Variants in SESTD1 observed in about 807,000 individuals in gnomAD.
SESTD1 encodes SEC14 and spectrin domain containing 1.
Under a neutral mutation model 101.7 loss-of-function variants are expected in SESTD1, and 43 were observed. That is an observed-to-expected ratio of 0.42 (90% CI 0.33 to 0.55). The LOEUF is 0.55. Ranked by LOEUF, SESTD1 falls within the 20% of genes least tolerant of loss-of-function variation. The pLI is 0.07. For synonymous variants in SESTD1, 283 were observed against 286.8 expected (o/e 0.99, Z 0.13); for missense variants, 647 against 815.1 (o/e 0.79, Z 2.51).
At chr2:179,140,987 A>G (rs2105438408) in intron 9 of SESTD1, among the ~76,000 whole-genome samples, 1 of 152,246 alleles carries the variant, frequency 6.6e-6, no homozygotes, top group Admixed American at 6.5e-5. Flanking sequence ...AGAGTTTCTC[A>G]AAGTTCAGTT....
chr2:179,169,172 A>G (rs2045888127), intron 5 of SESTD1, among the ~76,000 whole-genome samples: 1 of 152,240 alleles, frequency 6.6e-6, no homozygotes, highest in Non-Finnish European at 1.5e-5. Context: ...TAAACTGGAT[A>G]TGAAAGCAAG....
At chr2:179,189,875 C>T (rs1474661736) in intron 2 of SESTD1, among the ~76,000 whole-genome samples, 1 of 151,854 alleles carries the variant, frequency 6.6e-6, no homozygotes, top group Non-Finnish European at 1.5e-5. Flanking sequence ...TGAAAGATAC[C>T]TACAAAGAGA....
At chr2:179,145,790 T>C (rs1183284941) in intron 8 of SESTD1, among the ~76,000 whole-genome samples, 10 of 152,140 alleles carry the variant, frequency 6.6e-5, no homozygotes, top group Admixed American at 6.5e-4. Context: ...CAGTACAAAA[T>C]AGATAAAATA....
chr2:179,245,819 T>C (rs2047221540), intron 1 of SESTD1, among the ~76,000 whole-genome samples: 1 of 152,112 alleles, frequency 6.6e-6, no homozygotes, highest in Middle Eastern at 3.2e-3. Context: ...AGTAAATATA[T>C]TACTCTAAAT....
chr2:179,143,251 A>G (rs145369683), intron 9 of SESTD1, among the ~76,000 whole-genome samples: 1 of 152,284 alleles, frequency 6.6e-6, no homozygotes, highest in East Asian at 1.9e-4. Context: ...AAATTAACCA[A>G]AAAACTAAGT....
In SESTD1 at chr2:179,103,201, G is replaced by A. The variant is rs114441358; in HGVS notation, c.*6698C>T. On this transcript the variant is annotated 3_prime_UTR_variant, in exon 18 of 18. Transcript: ENST00000428443. ...ATAGGAACCCCTTGAGGAGCTGTCT[G>A]GGGCAGACAGGTCTTTGCTTTCCTC... is the stretch of plus-strand genomic sequence containing the variant. The A allele has an allele frequency of 6.6e-6, 1 of 152,076 alleles. No homozygotes were observed. Among genetic ancestry groups the A allele is most frequent in the African/African-American group, 2.4e-5 (1 of 41,386 alleles). 9.4% of individuals were successfully genotyped at this position (152,076 alleles called of 1,614,324 possible).
chr2:179,250,452 T>G (rs987941288), intron 1 of SESTD1, among the ~76,000 whole-genome samples: 4 of 152,210 alleles, frequency 2.6e-5, no homozygotes, highest in Non-Finnish European at 5.9e-5. Context: ...CTGGGTAGTT[T>G]AAACAGCAAA....
At chr2:179,132,222 A>C in intron 10 of SESTD1, 82 bp downstream of exon 10, 1 of 1,424,170 alleles carries the variant, frequency 7.0e-7, no homozygotes, top group Non-Finnish European at 9.2e-7. Context: ...GTTTGCAGCA[A>C]CTTATCACTC....
rs562501716 is a variant in SESTD1 at position 179,206,266 on chromosome 2, C to A, written c.-25-14400G>T. ...CATAACAGGAAAACTAAAGAGTTCA[C>A]AGAGCCTTCAAAAGAAGTGGCTTGC... is the stretch of plus-strand genomic sequence containing the variant. On this transcript the variant is annotated intron_variant, in intron 1 of 17. Coordinates refer to ENST00000428443, the MANE Select transcript of SESTD1 (RefSeq NM_178123.5). Among the ~76,000 whole-genome samples the A allele has an allele frequency of 7.4e-5, 10 of 135,664 alleles. 3 individuals carry two copies. The highest frequency in any genetic ancestry group is 2.9e-4 in the African/African-American group (10 of 34,512). 89.0% of individuals were successfully genotyped at this position (135,664 alleles called of 152,430 possible). A position where few individuals can be genotyped will look rare whatever the true frequency, so the allele number is the denominator to read the frequency against.
At chr2:179,123,980 C>G (rs373237465) in intron 11 of SESTD1, 151 bp from the exon 12 acceptor site, 1 of 606,442 alleles carries the variant, frequency 1.6e-6, no homozygotes, top group Non-Finnish European at 2.9e-6. Context: ...TTAGAATATG[C>G]ATTATCTGGA....
At chr2:179,256,820 A>AAAC in intron 1 of SESTD1, among the ~76,000 whole-genome samples, 2 of 152,056 alleles carry the variant, frequency 1.3e-5, no homozygotes, top group Middle Eastern at 6.8e-3. Context: ...TCAAAAAAAA[A>AAAC]AAAAAAAAAA....
chr2:179,158,075 C>T (rs2045664523), intron 5 of SESTD1, among the ~76,000 whole-genome samples: 1 of 152,156 alleles, frequency 6.6e-6, no homozygotes. Context: ...ACATACAAAA[C>T]TAGCAGCCAT....
intron 9 of SESTD1, among the ~76,000 whole-genome samples, chr2:179,142,913 T>G (rs2045310011): frequency 6.6e-6 from 1 of 152,220 alleles, no homozygotes; most frequent in Non-Finnish European, 1.5e-5. Context: ...CACAGAGGAA[T>G]CACTTAATAA....
intron 9 of SESTD1, among the ~76,000 whole-genome samples, chr2:179,133,707 G>A (rs78149567): frequency 9.2e-5 from 14 of 152,266 alleles, no homozygotes; most frequent in African/African-American, 3.4e-4. Flanking sequence ...ACGTAGAAAA[G>A]AGCAGTGCAG....
intron 6 of SESTD1, 127 bp downstream of exon 6, chr2:179,151,151 A>C (rs575020355): frequency 1.8e-5 from 10 of 551,056 alleles, no homozygotes; most frequent in Non-Finnish European, 3.0e-6. Context: ...ATAATGTGGT[A>C]TGCACATATT....
chr2:179,252,041 G>C (rs780966054), intron 1 of SESTD1, among the ~76,000 whole-genome samples: 3 of 152,198 alleles, frequency 2.0e-5, no homozygotes, highest in Non-Finnish European at 4.4e-5. Flanking sequence ...AAGTATTACA[G>C]AGAAGAGCAA....
At chr2:179,153,976 G>C (rs1339007922) in intron 5 of SESTD1, among the ~76,000 whole-genome samples, 2 of 151,152 alleles carry the variant, frequency 1.3e-5, no homozygotes, top group African/African-American at 4.9e-5. Context: ...GGGCACGGTG[G>C]CTCATGCCTA....
At chr2:179,131,538 T>A (rs949002047) in intron 10 of SESTD1, among the ~76,000 whole-genome samples, 2 of 152,132 alleles carry the variant, frequency 1.3e-5, no homozygotes, top group African/African-American at 4.8e-5. Context: ...CAAATTTTAT[T>A]TTTCCAATTT....
intron 1 of SESTD1, among the ~76,000 whole-genome samples, chr2:179,234,809 T>TA (rs755712445): frequency 5.9e-5 from 9 of 152,014 alleles, no homozygotes; most frequent in Non-Finnish European, 1.2e-4. Context: ...TGGAATTCTT[T>TA]AAAAAATGTC....
Sources: gnomAD v4.1 joint callset for allele counts (sites outside exome capture counted in the v4.1 genomes callset) on GRCh38, gnomAD v4.1.1 for gene constraint, MANE v1.5 for transcripts, NCBI Gene and HGNC (gene_info 2026-07-23, HGNC 2026-07-21) for gene names.